Variants in SLC44A5 observed in about 807,000 individuals in gnomAD.
SLC44A5 encodes choline transporter-like protein 5.
In SLC44A5, 57 loss-of-function variants were observed where a neutral mutation model predicts 101.8. The ratio of observed to expected loss-of-function variants is 0.56; its 90% CI spans 0.45 to 0.70. The LOEUF is 0.70. SLC44A5 is among the 30% of genes least tolerant of loss of function. SLC44A5 has a pLI of 0.00. For synonymous variants in SLC44A5, 281 were observed against 290.9 expected, an observed-to-expected ratio of 0.97 and a Z score of 0.35; for missense variants, 737 against 853.1, an observed-to-expected ratio of 0.86 and a Z score of 1.70.
chr1:75,372,640 G>A lies in SLC44A5; in HGVS notation c.52+23943C>T, dbSNP rs138687551. ...CCAGAAAACTGCAAAAATTGACCTT[G>A]GAAGAAATGAAACCTTCAGAGAAGT... On this transcript the variant is annotated intron_variant, in intron 3 of 23. Transcript: ENST00000370859. Among the ~76,000 whole-genome samples the A allele has an allele frequency of 4.7e-3, 723 of 152,220 alleles. 5 individuals carry two copies. In the Middle Eastern group the frequency reaches 0.048, roughly 10 times the overall value.
intron 6 of SLC44A5, among the ~76,000 whole-genome samples, chr1:75,260,095 C>T (rs1022732234): frequency 1.3e-5 from 2 of 152,128 alleles, no homozygotes; most frequent in Non-Finnish European, 2.9e-5. Flanking sequence ...TAAAGACCAT[C>T]GATGCTAGGA....
chr1:75,363,427 C>T (rs567981276), intron 3 of SLC44A5, among the ~76,000 whole-genome samples: 1 of 151,838 alleles, frequency 6.6e-6, no homozygotes, highest in East Asian at 1.9e-4. Flanking sequence ...TGCTTTGAAT[C>T]TTTTCTTTCT....
At chr1:75,532,771 G>A (rs1456269472) in intron 2 of SLC44A5, among the ~76,000 whole-genome samples, 1 of 152,114 alleles carries the variant, frequency 6.6e-6, no homozygotes, top group African/African-American at 2.4e-5. Context: ...TGGGTGTGGT[G>A]GCTCATGCCT....
the SLC44A5 span, among the ~76,000 whole-genome samples, chr1:75,651,761 T>C: frequency 6.7e-6 from 1 of 149,836 alleles, no homozygotes; most frequent in African/African-American, 2.5e-5. Context: ...TTACTGATTA[T>C]AAAATTATTT....
At chr1:75,716,207 C>T in the SLC44A5 span, among the ~76,000 whole-genome samples, 1 of 152,160 alleles carries the variant, frequency 6.6e-6, no homozygotes, top group Non-Finnish European at 1.5e-5. Flanking sequence ...TGGCCTGGCA[C>T]ATTGGTTCAC....
At chr1:75,281,770 A>G (rs1334585267) in intron 5 of SLC44A5, among the ~76,000 whole-genome samples, 10 of 151,916 alleles carry the variant, frequency 6.6e-5, no homozygotes, top group African/African-American at 2.4e-4. Flanking sequence ...AGCCTTGGCA[A>G]CTTCCATATG....
chr1:75,251,308 A>G lies in SLC44A5; in HGVS notation c.261-14T>C, dbSNP rs752423312. The G allele has an allele frequency of 1.2e-5, 19 of 1,596,110 alleles. No individual in the cohort carries two copies. Among genetic ancestry groups the G allele is most frequent in the Non-Finnish European group, 1.6e-5 (19 of 1,165,180 alleles). On this transcript the variant is annotated splice_polypyrimidine_tract_variant and intron_variant, in intron 6 of 23. Coordinates refer to ENST00000370859, the MANE Select transcript of SLC44A5 (RefSeq NM_001130058.2). ...ATGGTCTTGTTCCTGTTAAGAAAGAAAACATAATCTTTTTAGTGACCATGG... is the reference window on the plus strand; with the variant it reads ...ATGGTCTTGTTCCTGTTAAGAAAGAGAACATAATCTTTTTAGTGACCATGG...
intron 3 of SLC44A5, among the ~76,000 whole-genome samples, chr1:75,373,232 A>C (rs904050224): frequency 1.3e-5 from 2 of 152,164 alleles, no homozygotes; most frequent in African/African-American, 4.8e-5. Flanking sequence ...AGAAAACACC[A>C]AAAATCGATA....
chr1:75,589,844 C>G (rs1425598496), intron 1 of SLC44A5, among the ~76,000 whole-genome samples: 1 of 152,102 alleles, frequency 6.6e-6, no homozygotes, highest in African/African-American at 2.4e-5. Context: ...CAGCTGATGC[C>G]CCCTGCAGAG....
intron 3 of SLC44A5, among the ~76,000 whole-genome samples, chr1:75,343,096 T>A (rs943100875): frequency 6.6e-6 from 1 of 152,172 alleles, no homozygotes; most frequent in African/African-American, 2.4e-5. Context: ...AAAGCCACAG[T>A]GGTTCGCTGT....
intron 2 of SLC44A5, among the ~76,000 whole-genome samples, chr1:75,519,001 G>A (rs1294425513): frequency 6.6e-6 from 1 of 152,142 alleles, no homozygotes; most frequent in Non-Finnish European, 1.5e-5. Flanking sequence ...TTTGTGAAAT[G>A]TAAATTATAT....
At chr1:75,467,305 T>C (rs1666878136) in intron 2 of SLC44A5, among the ~76,000 whole-genome samples, 1 of 152,138 alleles carries the variant, frequency 6.6e-6, no homozygotes, top group South Asian at 2.1e-4. Context: ...ACCAATGATA[T>C]TCTCCACAGA....
At chr1:75,536,943 T>TTGCA (rs1671058744) in intron 2 of SLC44A5, among the ~76,000 whole-genome samples, 1 of 123,388 alleles carries the variant, frequency 8.1e-6, no homozygotes, top group Non-Finnish European at 1.6e-5. Context: ...GAGGCGGAGC[T>TTGCA]TGCAGTGAGC....
intron 2 of SLC44A5, among the ~76,000 whole-genome samples, chr1:75,478,060 G>C (rs1285763573): frequency 1.3e-5 from 2 of 152,218 alleles, no homozygotes; most frequent in Non-Finnish European, 2.9e-5. Flanking sequence ...TCTCCCGGCA[G>C]AAACTCTACA....
chr1:75,235,931 G>A (rs1339183022), intron 11 of SLC44A5, among the ~76,000 whole-genome samples: 1 of 152,078 alleles, frequency 6.6e-6, no homozygotes, highest in Admixed American at 6.6e-5. Flanking sequence ...AGATAAGTAT[G>A]TGTGTGTATT....
intron 2 of SLC44A5, among the ~76,000 whole-genome samples, chr1:75,429,619 C>T (rs1477742586): frequency 6.6e-6 from 1 of 152,144 alleles, no homozygotes; most frequent in Non-Finnish European, 1.5e-5. Flanking sequence ...GTATAAGAAG[C>T]ATGGTGCCAG....
At chr1:75,471,917 G>A (rs1345623907) in intron 2 of SLC44A5, among the ~76,000 whole-genome samples, 2 of 151,202 alleles carry the variant, frequency 1.3e-5, no homozygotes, top group African/African-American at 2.4e-5. Context: ...CCACTTCCTG[G>A]TTATTTTTAT....
chr1:75,592,699 C>G (rs995669856), intron 1 of SLC44A5, among the ~76,000 whole-genome samples: 5 of 152,044 alleles, frequency 3.3e-5, no homozygotes, highest in African/African-American at 1.2e-4. Flanking sequence ...TACACACCCA[C>G]AGTGAACTCA....
chr1:75,211,957 T>C (rs532007643), intron 22 of SLC44A5, among the ~76,000 whole-genome samples: 1 of 151,884 alleles, frequency 6.6e-6, no homozygotes, highest in East Asian at 1.9e-4. Flanking sequence ...AACAGAAGTT[T>C]ATTTCTCCCT....
Sources: allele counts gnomAD v4.1 joint callset (sites outside exome capture counted in the v4.1 genomes callset), GRCh38; gene constraint gnomAD v4.1.1; transcripts MANE v1.5; gene names NCBI Gene and HGNC (gene_info 2026-07-23, HGNC 2026-07-21).